CSMD1: variants seen among roughly 807,000 people sequenced by gnomAD.
The protein encoded by CSMD1 is CUB and sushi domain-containing protein 1.
In CSMD1, 213 loss-of-function variants were observed where a neutral mutation model predicts 417.5. The ratio of observed to expected loss-of-function variants is 0.51; its 90% CI spans 0.46 to 0.57. CSMD1 has a LOEUF of 0.57. Among genes scored for constraint, CSMD1 ranks in the 20% least tolerant of loss-of-function variants. CSMD1 has a pLI of 0.00. For synonymous variants in CSMD1, 2,862 were observed against 1,736.8 expected (o/e 1.65, Z -16.11); for missense variants, 6,923 against 4,529.7 (o/e 1.53, Z -15.17).
chr8:4,923,648 T>G (rs1431172497), intron 1 of CSMD1, among the ~76,000 whole-genome samples: 1 of 152,178 alleles, frequency 6.6e-6, no homozygotes, highest in Admixed American at 6.5e-5. Context: ...CTTCCTGCAC[T>G]CACATGTTCT....
chr8:3,772,383 ATATT>A (rs1798634749), intron 5 of CSMD1, among the ~76,000 whole-genome samples: 5 of 136,050 alleles, frequency 3.7e-5, no homozygotes, highest in Admixed American at 7.5e-5. Context: ...ATATATTCAT[ATATT>A]TATATATACA....
chr8:4,628,908 A>G (rs1413389030), intron 2 of CSMD1, among the ~76,000 whole-genome samples: 2 of 152,158 alleles, frequency 1.3e-5, no homozygotes, highest in African/African-American at 2.4e-5. Flanking sequence ...AAAAGAGAAT[A>G]AAACCTTGGA....
At chr8:3,212,657 G>C (rs1797681061) in intron 30 of CSMD1, among the ~76,000 whole-genome samples, 1 of 151,664 alleles carries the variant, frequency 6.6e-6, no homozygotes, top group Admixed American at 6.6e-5. Flanking sequence ...CCTGGCCTAA[G>C]TTCTTACTCT....
chr8:4,821,302 T>A (rs568816433), intron 1 of CSMD1, among the ~76,000 whole-genome samples: 4 of 152,188 alleles, frequency 2.6e-5, no homozygotes, highest in African/African-American at 9.7e-5. Flanking sequence ...TGTGCCAGTA[T>A]AATCCAATCC....
intron 2 of CSMD1, among the ~76,000 whole-genome samples, chr8:4,446,019 C>A (rs1798767850): frequency 6.6e-6 from 1 of 152,184 alleles, no homozygotes; most frequent in East Asian, 1.9e-4. Flanking sequence ...GACTCTGTGC[C>A]AACTCTTAGG....
chr8:3,978,498 T>A (rs763885968), intron 5 of CSMD1, among the ~76,000 whole-genome samples: 1 of 152,194 alleles, frequency 6.6e-6, no homozygotes, highest in Non-Finnish European at 1.5e-5. Flanking sequence ...TTTACTTCAA[T>A]ACATTCTACC....
intron 3 of CSMD1, among the ~76,000 whole-genome samples, chr8:4,033,875 G>A (rs367874705): frequency 2.0e-5 from 3 of 152,146 alleles, no homozygotes; most frequent in Admixed American, 6.5e-5. Flanking sequence ...TCATTCAGTT[G>A]AATGGATGAA....
rs56750062 is a variant in CSMD1, at chr8:4,499,385, A to G, written c.303-79320T>C. 7.9e-3 allele frequency among the ~76,000 whole-genome samples: 1,200 copies of G among 152,316 alleles called. 20 individuals carry two copies. The highest frequency in any genetic ancestry group is 0.027 in the African/African-American group (1,143 of 41,584). On this transcript the variant is annotated intron_variant, in intron 2 of 69. Coordinates refer to ENST00000635120, the MANE Select transcript of CSMD1 (RefSeq NM_033225.6). The stretch of plus-strand genomic sequence containing the variant: ...ACAATACAAGCAGGCAAGTCTGCAG[A>G]GAGGGGTCAGGTTCTTATTACTTTA...
At chr8:4,901,016 G>C (rs533641900) in intron 1 of CSMD1, among the ~76,000 whole-genome samples, 8 of 152,312 alleles carry the variant, frequency 5.3e-5, no homozygotes, top group African/African-American at 1.9e-4. Flanking sequence ...TGAAAGTAAA[G>C]AATGCCGATG....
intron 49 of CSMD1, among the ~76,000 whole-genome samples, chr8:3,084,044 T>C (rs968551495): frequency 3.9e-5 from 6 of 152,140 alleles, no homozygotes; most frequent in African/African-American, 1.4e-4. Context: ...TCATTTCTCC[T>C]TGGGTCAGTA....
At chr8:3,101,431 CT>C (rs1332975556) in intron 46 of CSMD1, among the ~76,000 whole-genome samples, 6 of 151,828 alleles carry the variant, frequency 4.0e-5, no homozygotes, top group African/African-American at 1.4e-4. Context: ...AGGCTGACTA[CT>C]TTTTTTTTGA....
chr8:3,099,304 GAT>G, intron 46 of CSMD1, among the ~76,000 whole-genome samples: 1 of 152,064 alleles, frequency 6.6e-6, no homozygotes, highest in East Asian at 1.9e-4. Flanking sequence ...AACGTCACAA[GAT>G]AATATATGGC....
intron 4 of CSMD1, among the ~76,000 whole-genome samples, chr8:4,016,120 A>G (rs906163529): frequency 1.3e-5 from 2 of 152,156 alleles, no homozygotes; most frequent in African/African-American, 4.8e-5. Flanking sequence ...GGATCATATA[A>G]AAGTTCATAT....
At chr8:4,774,480 G>C (rs529931670) in intron 1 of CSMD1, among the ~76,000 whole-genome samples, 1 of 152,220 alleles carries the variant, frequency 6.6e-6, no homozygotes, top group African/African-American at 2.4e-5. Flanking sequence ...TAATATGCTT[G>C]ATATTTTTTT....
At chr8:3,802,235 T>A (rs1036480646) in intron 5 of CSMD1, among the ~76,000 whole-genome samples, 2 of 152,196 alleles carry the variant, frequency 1.3e-5, no homozygotes, top group South Asian at 2.1e-4. Context: ...ATATACATGA[T>A]AGAGGCATAA....
At chr8:4,447,607 C>G (rs1798888639) in intron 2 of CSMD1, among the ~76,000 whole-genome samples, 1 of 152,180 alleles carries the variant, frequency 6.6e-6, no homozygotes, top group African/African-American at 2.4e-5. Flanking sequence ...TGTAATACTT[C>G]CCACTTGACT....
intron 3 of CSMD1, among the ~76,000 whole-genome samples, chr8:4,325,468 T>C (rs1046129952): frequency 6.6e-6 from 1 of 152,192 alleles, no homozygotes; most frequent in African/African-American, 2.4e-5. Context: ...AATCGTCTAC[T>C]TTCAAGCGCT....
chr8:3,706,032 C>T (rs564137496), intron 7 of CSMD1, among the ~76,000 whole-genome samples: 8 of 152,314 alleles, frequency 5.3e-5, no homozygotes, highest in Admixed American at 1.3e-4. Flanking sequence ...GAAGAGGAAA[C>T]GGGGCTCATG....
intron 1 of CSMD1, among the ~76,000 whole-genome samples, chr8:4,983,371 C>T (rs150413561): frequency 2.8e-3 from 420 of 152,202 alleles, no homozygotes; most frequent in Non-Finnish European, 4.8e-3. Context: ...AGACTGAGAA[C>T]ATTTATTTAT....
Sources: gnomAD v4.1 joint callset for allele counts (sites outside exome capture counted in the v4.1 genomes callset) on GRCh38, gnomAD v4.1.1 for gene constraint, MANE v1.5 for transcripts, NCBI Gene and HGNC (gene_info 2026-07-23, HGNC 2026-07-21) for gene names.